The following CPQ variants were observed in gnomAD, a reference collection of about 807,000 sequenced individuals.
The protein encoded by CPQ is carboxypeptidase Q.
In CPQ, 37 loss-of-function variants were observed where a neutral mutation model predicts 45.7. The ratio of observed to expected loss-of-function variants is 0.81; its 90% confidence interval spans 0.62 to 1.07. The LOEUF (loss-of-function observed/expected upper bound fraction) is 1.07, where lower values mean the gene tolerates loss of function less well. Ranked by LOEUF, CPQ falls within the 50% of genes least tolerant of loss-of-function variation. The probability of loss-of-function intolerance (pLI) is 0.00; values close to 1 mark genes in which losing one functional copy is unlikely to be tolerated. For synonymous variants in CPQ, 186 were observed against 205.8 expected, an observed-to-expected ratio of 0.90 and a Z score of 0.82; for missense variants, 537 against 572.9, an observed-to-expected ratio of 0.94 and a Z score of 0.64.
intron 1 of CPQ, among the ~76,000 whole-genome samples, chr8:96,750,592 T>A (rs1810245196): frequency 6.6e-6 from 1 of 152,018 alleles, no homozygotes; most frequent in Admixed American, 6.6e-5. Context: ...TCTTTTCTTT[T>A]TTTTTTTTTC....
At chr8:97,117,401 C>A (rs1464818825) in intron 7 of CPQ, among the ~76,000 whole-genome samples, 1 of 152,130 alleles carries the variant, frequency 6.6e-6, no homozygotes, top group African/African-American at 2.4e-5. Flanking sequence ...CTGAAAAGTT[C>A]TATATTCTAG....
At chr8:96,931,278 C>CTTTAACTT (rs976776964) in intron 4 of CPQ, among the ~76,000 whole-genome samples, 105 of 152,272 alleles carry the variant, frequency 6.9e-4, no homozygotes, top group African/African-American at 2.3e-3. Context: ...ATTTACTTCC[C>CTTTAACTT]TTTAACTTTT....
Position 96,880,739 on chromosome 8 carries a change from A to G in CPQ, c.849+734A>G, listed in dbSNP as rs116538848. ...AGCTAATCATTGGGTACATGTGTAC[A>G]TAAATACTGGAAGAATAGGCAATGG... On this transcript the variant is annotated intron_variant, in intron 4 of 7. Transcript: ENST00000220763. 7.6e-3 allele frequency among the ~76,000 whole-genome samples: 1,159 copies of G among 151,902 alleles called. 7 individuals carry two copies. Among genetic ancestry groups the G allele is most frequent in the African/African-American group, 0.024 (976 of 41,388 alleles).
intron 5 of CPQ, among the ~76,000 whole-genome samples, chr8:96,973,301 C>T (rs1348585474): frequency 2.0e-5 from 3 of 151,772 alleles, no homozygotes; most frequent in African/African-American, 7.3e-5. Flanking sequence ...TTCAAATTAA[C>T]CTAATCTGTC....
intron 7 of CPQ, among the ~76,000 whole-genome samples, chr8:97,111,723 C>A (rs1178122260): frequency 6.6e-6 from 1 of 152,210 alleles, no homozygotes; most frequent in Non-Finnish European, 1.5e-5. Flanking sequence ...ATGGCCCTGC[C>A]TCATGTCGTC....
intron 1 of CPQ, among the ~76,000 whole-genome samples, chr8:96,655,226 G>A (rs1815625053): frequency 6.6e-6 from 1 of 151,892 alleles, no homozygotes; most frequent in Admixed American, 6.6e-5. Flanking sequence ...GACTGTGATT[G>A]TGTCACATAA....
At chr8:96,948,057 C>T (rs1813213876) in intron 4 of CPQ, among the ~76,000 whole-genome samples, 1 of 152,010 alleles carries the variant, frequency 6.6e-6, no homozygotes, top group African/African-American at 2.4e-5. Context: ...CCTTCCATAT[C>T]AAGTCTCCCC....
rs544717506 is a variant in CPQ at position 96,947,933 on chromosome 8, C to T, written c.850-18002C>T. Among the ~76,000 whole-genome samples the T allele has an allele frequency of 2.0e-5, 3 of 152,192 alleles. No individual in the cohort carries two copies. The South Asian group carries it at 6.2e-4, about 32-fold the overall frequency. On this transcript the variant is annotated intron_variant, in intron 4 of 7. Coordinates refer to ENST00000220763, the MANE Select transcript of CPQ (RefSeq NM_016134.4). ...TTCAGATAACCTCAAGGTAGCTAGT[C>T]AACAACTTGGCCATTGTTGAGATGA...
At chr8:97,110,334 T>C (rs1811479443) in intron 7 of CPQ, among the ~76,000 whole-genome samples, 1 of 152,242 alleles carries the variant, frequency 6.6e-6, no homozygotes, top group African/African-American at 2.4e-5. Flanking sequence ...TATTCCATTA[T>C]ATAAATACAC....
chr8:97,013,492 AT>A (rs1199724235), intron 5 of CPQ, among the ~76,000 whole-genome samples: 8 of 152,348 alleles, frequency 5.3e-5, no homozygotes, highest in East Asian at 1.9e-4. Flanking sequence ...ATTAATCATA[AT>A]TAACTGCCAA....
chr8:96,768,957 A>G (rs1219207263), intron 1 of CPQ, among the ~76,000 whole-genome samples: 2 of 152,238 alleles, frequency 1.3e-5, no homozygotes, highest in Non-Finnish European at 2.9e-5. Context: ...CTGTTTAGCA[A>G]TAAAAACACA....
chr8:96,733,463 T>C (rs1460781066), intron 1 of CPQ, among the ~76,000 whole-genome samples: 3 of 152,214 alleles, frequency 2.0e-5, no homozygotes, highest in African/African-American at 7.2e-5. Context: ...TATTTTCCCT[T>C]TTCCAGTTTT....
chr8:96,904,608 G>C (rs1040367812), intron 4 of CPQ, among the ~76,000 whole-genome samples: 6 of 152,078 alleles, frequency 3.9e-5, no homozygotes, highest in African/African-American at 7.2e-5. Flanking sequence ...CTGATCATCA[G>C]AATCACCACA....
intron 4 of CPQ, among the ~76,000 whole-genome samples, chr8:96,945,413 C>T (rs1813176712): frequency 6.6e-6 from 1 of 152,148 alleles, no homozygotes; most frequent in South Asian, 2.1e-4. Context: ...TACACATACA[C>T]AGATGTGCTT....
chr8:96,707,540 C>T (rs1809548536), intron 1 of CPQ, among the ~76,000 whole-genome samples: 2 of 151,946 alleles, frequency 1.3e-5, no homozygotes, highest in African/African-American at 4.8e-5. Flanking sequence ...AATTCTTCTT[C>T]CAGTGTGGCC....
At chr8:96,825,427 T>C (rs956751156) in intron 2 of CPQ, among the ~76,000 whole-genome samples, 19 of 152,042 alleles carry the variant, frequency 1.2e-4, no homozygotes, top group Non-Finnish European at 1.6e-4. Flanking sequence ...GCACTGTCAC[T>C]TTCTAGTTTG....
At chr8:96,995,869 A>G (rs1393197525) in intron 5 of CPQ, among the ~76,000 whole-genome samples, 1 of 151,932 alleles carries the variant, frequency 6.6e-6, no homozygotes, top group African/African-American at 2.4e-5. Flanking sequence ...TAAAAAGTCA[A>G]AAGATTTGTG....
At chr8:96,762,615 C>T (rs1036140416) in intron 1 of CPQ, among the ~76,000 whole-genome samples, 1 of 152,158 alleles carries the variant, frequency 6.6e-6, no homozygotes, top group South Asian at 2.1e-4. Flanking sequence ...AGTATCCAGG[C>T]TCTCTGCCCC....
rs551923810 is a variant in CPQ, at chr8:96,832,191, G to GATC, written c.434-2780_434-2778dup. 1.4e-4 allele frequency among the ~76,000 whole-genome samples: 21 copies of GATC among 152,284 alleles called. No homozygotes were observed. The South Asian group carries it at 4.3e-3, about 32-fold the overall frequency. ...AAGTAAGGGTAACCAGGCTCTAAGA[G>GATC]ATCAGAAGAGCTTTCTTGTGTTCAA... On this transcript the variant is annotated intron_variant, in intron 2 of 7. Transcript: ENST00000220763.
Sources: gnomAD v4.1 joint callset for allele counts (sites outside exome capture counted in the v4.1 genomes callset) on GRCh38, gnomAD v4.1.1 for gene constraint, MANE v1.5 for transcripts, NCBI Gene and HGNC (gene_info 2026-07-23, HGNC 2026-07-21) for gene names.